The following PCED1B variants were observed in gnomAD, a reference collection of about 807,000 sequenced individuals.
The protein encoded by PCED1B is PC-esterase domain-containing protein 1B.
For synonymous variants in PCED1B, 251 were observed against 246.1 expected, an observed-to-expected ratio of 1.02 and a Z score of -0.19; for missense variants, 573 against 573.9, an observed-to-expected ratio of 1.00 and a Z score of 0.02.
intron 2 of PCED1B, among the ~76,000 whole-genome samples, chr12:47,168,507 C>A (rs1358281166): frequency 6.6e-6 from 1 of 151,890 alleles, no homozygotes; most frequent in African/African-American, 2.4e-5. Context: ...TATTATTTTG[C>A]TTTCTTGTTC....
In PCED1B at chr12:47,235,543, G is replaced by C. The variant is rs916151040; in HGVS notation, c.480G>C (p.Leu160=). 1 of 1,610,972 alleles carries C rather than the reference G, an allele frequency of 6.2e-7. No individual in the cohort carries two copies. The highest frequency in any genetic ancestry group is 1.1e-5 in the South Asian group (1 of 90,758). The change falls in exon 4 of 4, where the codon CTG becomes CTC. Residue 160 remains leucine (L), a synonymous_variant. Coordinates refer to ENST00000546455, the MANE Select transcript of PCED1B (RefSeq NM_138371.3). The part of the protein sequence containing the change: ...LGQVLPESCL[L]VWNTAMPVGE... ...AGGTGCTGCCCGAGTCTTGCCTCCT[G>C]GTGTGGAACACGGCCATGCCTGTGG...
At chr12:47,122,836 A>G (rs1055860902) in intron 2 of PCED1B, among the ~76,000 whole-genome samples, 8 of 152,198 alleles carry the variant, frequency 5.3e-5, no homozygotes, top group African/African-American at 1.9e-4. Flanking sequence ...TAGATTTATT[A>G]AGCACTCTGC....
intron 2 of PCED1B, among the ~76,000 whole-genome samples, chr12:47,166,290 T>A (rs1456488118): frequency 1.3e-5 from 2 of 152,222 alleles, no homozygotes; most frequent in Non-Finnish European, 2.9e-5. Context: ...ATGACTTTGG[T>A]TGAGCCGGGC....
At chr12:47,102,854 A>T (rs1231487471) in intron 1 of PCED1B, among the ~76,000 whole-genome samples, 1 of 152,258 alleles carries the variant, frequency 6.6e-6, no homozygotes, top group African/African-American at 2.4e-5. Context: ...TAAGTAACGT[A>T]GAAGAGTTTC....
intron 2 of PCED1B, among the ~76,000 whole-genome samples, chr12:47,196,012 C>T (rs1942592168): frequency 6.6e-6 from 1 of 152,102 alleles, no homozygotes; most frequent in Non-Finnish European, 1.5e-5. Context: ...CCCAATTTTC[C>T]AAAGATTAGT....
chr12:47,093,785 G>A (rs1216230261), intron 1 of PCED1B, among the ~76,000 whole-genome samples: 1 of 151,912 alleles, frequency 6.6e-6, no homozygotes, highest in Non-Finnish European at 1.5e-5. Context: ...GGTCAGAGAA[G>A]ACATTCTGAA....
chr12:47,164,204 A>G lies in PCED1B; in HGVS notation c.-525-52018A>G, dbSNP rs369080667. Among the ~76,000 whole-genome samples the G allele has an allele frequency of 1.8e-4, 28 of 152,330 alleles. No individual in the cohort carries two copies. In the East Asian group the frequency reaches 4.1e-3, roughly 22 times the overall value. On this transcript the variant is annotated intron_variant, in intron 2 of 3. Transcript: ENST00000546455. ...TACAAAATAGAAACACTTGTTCCCA[A>G]TAGTTTCAAAAGTCTTAATGTGCTC...
At chr12:47,204,946 A>G (rs1477681281) in intron 2 of PCED1B, among the ~76,000 whole-genome samples, 1 of 152,234 alleles carries the variant, frequency 6.6e-6, no homozygotes, top group African/African-American at 2.4e-5. Flanking sequence ...AATGTAGCCA[A>G]TAGTGTAACC....
At chr12:47,185,151 C>A (rs370503180) in intron 2 of PCED1B, among the ~76,000 whole-genome samples, 1 of 152,108 alleles carries the variant, frequency 6.6e-6, no homozygotes, top group African/African-American at 2.4e-5. Flanking sequence ...TGAACTGTGT[C>A]CCCAAAAAAG....
intron 2 of PCED1B, among the ~76,000 whole-genome samples, chr12:47,205,156 C>T (rs116447379): frequency 0.018 from 2,747 of 152,066 alleles, 70 homozygotes; most frequent in African/African-American, 0.061. Context: ...GAAAGTGGGG[C>T]GTGCTGATAG....
intron 2 of PCED1B, among the ~76,000 whole-genome samples, chr12:47,122,208 TGGCCTAATTACAC>T (rs1253723364): frequency 3.9e-5 from 6 of 152,216 alleles, no homozygotes; most frequent in African/African-American, 1.4e-4. Flanking sequence ...GTTCATCTCT[TGGCCTAATTACAC>T]ATATTGTTGG....
chr12:47,212,115 C>CA, intron 2 of PCED1B, among the ~76,000 whole-genome samples: 2 of 142,480 alleles, frequency 1.4e-5, no homozygotes, highest in South Asian at 2.3e-4. Flanking sequence ...ACCAAAAATA[C>CA]AAAAAACTAG....
At chr12:47,152,196 G>C (rs564245312) in intron 2 of PCED1B, among the ~76,000 whole-genome samples, 2 of 152,278 alleles carry the variant, frequency 1.3e-5, no homozygotes, top group South Asian at 4.1e-4. Context: ...CAGAGTCTCA[G>C]ATTATCTCCC....
intron 3 of PCED1B, among the ~76,000 whole-genome samples, chr12:47,222,135 AAC>A (rs1565611281): frequency 3.0e-5 from 3 of 99,344 alleles, no homozygotes; most frequent in South Asian, 3.9e-4. Context: ...AAAAAAAAAA[AAC>A]GCCCGGGCGT....
At chr12:47,144,974 G>C (rs1379795649) in intron 2 of PCED1B, among the ~76,000 whole-genome samples, 2 of 152,212 alleles carry the variant, frequency 1.3e-5, no homozygotes, top group Non-Finnish European at 2.9e-5. Context: ...GCTTACTGAG[G>C]AACCCATGTC....
chr12:47,221,749 A>G (rs1412361618), intron 3 of PCED1B, among the ~76,000 whole-genome samples: 6 of 152,188 alleles, frequency 3.9e-5, no homozygotes, highest in Non-Finnish European at 8.8e-5. Flanking sequence ...CAAAGGTCAC[A>G]AGACAATTAT....
At chr12:47,107,864 A>G (rs1939024727) in intron 2 of PCED1B, among the ~76,000 whole-genome samples, 1 of 152,086 alleles carries the variant, frequency 6.6e-6, no homozygotes. Context: ...ATCAGGTAAG[A>G]CTCCTAAACC....
chr12:47,219,502 G>A (rs1465303221), intron 3 of PCED1B, among the ~76,000 whole-genome samples: 3 of 152,152 alleles, frequency 2.0e-5, no homozygotes, highest in South Asian at 4.1e-4. Context: ...CTCTCCAATC[G>A]CCCTTGTTTT....
intron 2 of PCED1B, among the ~76,000 whole-genome samples, chr12:47,127,238 A>G (rs1003980757): frequency 6.6e-6 from 1 of 152,122 alleles, no homozygotes; most frequent in Admixed American, 6.5e-5. Context: ...TATTTTGTTT[A>G]CATTTACATA....
Sources: gnomAD v4.1 joint callset for allele counts (sites outside exome capture counted in the v4.1 genomes callset) on GRCh38, gnomAD v4.1.1 for gene constraint, MANE v1.5 for transcripts, NCBI Gene and HGNC (gene_info 2026-07-23, HGNC 2026-07-21) for gene names.